CRB2: variants seen among roughly 807,000 people sequenced by gnomAD.
CRB2 encodes the protein crumbs cell polarity complex component 2.
CRB2 carries 85 observed loss-of-function variants against 110.9 expected under a neutral mutation model. The ratio of observed to expected loss-of-function variants is 0.77; its 90% confidence interval spans 0.64 to 0.92. CRB2 has a LOEUF of 0.92. CRB2 is among the 40% of genes least tolerant of loss of function. The pLI is 0.00. For synonymous variants in CRB2, 907 were observed against 831.0 expected, an observed-to-expected ratio of 1.09 and a Z score of -1.57; for missense variants, 1,843 against 1,851.3, an observed-to-expected ratio of 1.00 and a Z score of 0.08.
chr9:123,371,818 G>A (rs1464823617), intron 8 of CRB2, among the ~76,000 whole-genome samples: 1 of 152,094 alleles, frequency 6.6e-6, no homozygotes, highest in African/African-American at 2.4e-5. Flanking sequence ...GTCCTGGTGT[G>A]AGAGAGACAC....
intron 1 of CRB2, among the ~76,000 whole-genome samples, chr9:123,362,521 A>C (rs1209234984): frequency 1.3e-5 from 2 of 152,170 alleles, no homozygotes; most frequent in Non-Finnish European, 2.9e-5. Context: ...TGTCTGGTGC[A>C]ATGGGCATGA....
rs991888907 is a variant in CRB2, at chr9:123,363,135, C to A, written c.365C>A (p.Thr122Asn). The A allele has an allele frequency of 6.8e-6, 11 of 1,610,860 alleles. No individual in the cohort carries two copies. Among genetic ancestry groups the A allele is most frequent in the Non-Finnish European group, 9.3e-6 (11 of 1,179,370 alleles). Residue 122 changes from threonine to asparagine, a missense_variant, in exon 2 of 13, where the codon ACC becomes AAC. Thr to Asn is a moderately conservative substitution (Grantham distance 65). Coordinates refer to ENST00000373631, the MANE Select transcript of CRB2 (RefSeq NM_173689.7). ...CASRPCHHGATCRNLADRYEC... is the reference protein window; with the variant it reads ...CASRPCHHGANCRNLADRYEC... ...TCCCGGCCGTGCCACCATGGGGCCA[C>A]CTGCCGCAACCTGGCCGATCGCTAC...
Position 123,356,270 on chromosome 9 carries a change from G to C in CRB2, c.10G>C (p.Ala4Pro). 1 of 1,528,356 alleles carries C rather than the reference G, an allele frequency of 6.5e-7. No individual in the cohort carries two copies. Among genetic ancestry groups the C allele is most frequent in the South Asian group, 1.2e-5 (1 of 82,532 alleles). The allele number at this position is 1,528,356 out of a possible 1,614,324, so 94.7% of individuals were successfully genotyped here. A position where few individuals can be genotyped will look rare whatever the true frequency, so the allele number is the denominator to read the frequency against. ...CGCAGAGCGGGCTGCCATGGCGCTG[G>C]CCAGGCCTGGGACCCCGGACCCCCA... is the stretch of plus-strand genomic sequence containing the variant. MAL[A>P]RPGTPDPQAL... is the part of the protein sequence containing the mutation. Residue 4 changes from alanine to proline, a missense_variant, in exon 1 of 13, where the codon GCC becomes CCC. Ala to Pro is a conservative substitution (Grantham distance 27, BLOSUM62 -1). Transcript: ENST00000373631.
Position 123,374,806 on chromosome 9 carries a change from T to A in CRB2, c.3506+111T>A, listed in dbSNP as rs2797949. 64,727 of 686,792 alleles carry A rather than the reference T, an allele frequency of 0.094. 3,374 individuals are homozygous for A. Among genetic ancestry groups the A allele is most frequent in the African/African-American group, 0.16 (9,009 of 56,054 alleles). 42.5% of individuals were successfully genotyped at this position (686,792 alleles called of 1,614,324 possible). On this transcript the variant is annotated intron_variant, in intron 11 of 12. Coordinates refer to ENST00000373631, the MANE Select transcript of CRB2 (RefSeq NM_173689.7). ...CCCACCTTCTCACCCCTCCCTGGTA[T>A]CACAGTCACCATTGTCACTTGAGTT... is the stretch of plus-strand genomic sequence containing the variant.
upstream of CRB2, among the ~76,000 whole-genome samples, chr9:123,354,316 C>T (rs1170656039): frequency 1.3e-5 from 2 of 152,384 alleles, no homozygotes; most frequent in East Asian, 1.9e-4. Flanking sequence ...GTGACCTCCC[C>T]GCTCTGTGAA....
At chr9:123,361,868 A>G (rs2041872527) in intron 1 of CRB2, among the ~76,000 whole-genome samples, 1 of 152,202 alleles carries the variant, frequency 6.6e-6, no homozygotes, top group South Asian at 2.1e-4. Context: ...TCAAAGCTCA[A>G]GTTCTCACCT....
At chr9:123,375,095 CATGGGGACAGTGG>C in intron 11 of CRB2, 109 bp from the exon 12 acceptor site, 1 of 1,438,194 alleles carries the variant, frequency 7.0e-7, no homozygotes, top group Non-Finnish European at 9.5e-7. Flanking sequence ...AGGAGCAGCG[CATGGGGACAGTGG>C]ATGGATAAGC....
At chr9:123,369,048 C>T (rs547601140) in intron 6 of CRB2, 21 of 861,498 alleles carry the variant, frequency 2.4e-5, no homozygotes, top group Non-Finnish European at 3.1e-5. Context: ...GGCTTCAAAC[C>T]CTGGTGACTT....
In CRB2 at chr9:123,367,166, C is replaced by T; in HGVS notation, c.755-6C>T. On this transcript the variant is annotated splice_region_variant and splice_polypyrimidine_tract_variant and intron_variant, in intron 4 of 12. Coordinates refer to ENST00000373631, the MANE Select transcript of CRB2 (RefSeq NM_173689.7). ...AGACCTGATGTCCGCGTGTGTGTGCCCCCAGGCTACAGCGGCGAGCTGTGC... is the reference window on the plus strand; with the variant it reads ...AGACCTGATGTCCGCGTGTGTGTGCTCCCAGGCTACAGCGGCGAGCTGTGC... 1 of 1,578,624 alleles carries T rather than the reference C, an allele frequency of 6.3e-7. No individual in the cohort carries two copies. Among genetic ancestry groups the T allele is most frequent in the South Asian group, 1.1e-5 (1 of 87,458 alleles).
Position 123,365,944 on chromosome 9 carries a change from A to C in CRB2, c.446A>C (p.Glu149Ala). 2 of 1,596,508 alleles carry C rather than the reference A, an allele frequency of 1.3e-6. No homozygotes were observed. The highest frequency in any genetic ancestry group is 1.7e-6 in the Non-Finnish European group (2 of 1,178,654). ...GTGACCTGCGAGATGGAGGTGGACGAGTGCGCCTCAGCGCCCTGCCTGCAC... is the reference window on the plus strand; with the variant it reads ...GTGACCTGCGAGATGGAGGTGGACGCGTGCGCCTCAGCGCCCTGCCTGCAC... The part of the protein sequence containing the change: ...AGVTCEMEVD[E>A]CASAPCLHGG... The change falls in exon 3 of 13, where the codon GAG becomes GCG. Residue 149 changes from glutamate (E) to alanine (A), a missense_variant. Glu to Ala is a moderately radical substitution (Grantham distance 107). Coordinates refer to ENST00000373631, the MANE Select transcript of CRB2 (RefSeq NM_173689.7).
intron 6 of CRB2, 73 bp from the exon 7 acceptor site, chr9:123,370,035 C>T (rs2041990355): frequency 2.0e-6 from 3 of 1,486,078 alleles, no homozygotes; most frequent in African/African-American, 1.4e-5. Flanking sequence ...TCATAAGAGG[C>T]ATGTAAGTTC....
intron 8 of CRB2, among the ~76,000 whole-genome samples, chr9:123,371,807 A>T (rs1224614827): frequency 6.6e-6 from 1 of 152,142 alleles, no homozygotes; most frequent in Non-Finnish European, 1.5e-5. Flanking sequence ...TCCCCGAGCT[A>T]GTCCTGGTGT....
In CRB2 at chr9:123,370,447, T is replaced by C; in HGVS notation, c.1394T>C (p.Phe465Ser). Residue 465 changes from phenylalanine (F) to serine (S), a missense_variant, in exon 7 of 13, where the codon TTT (phenylalanine) becomes TCT (serine). Transcript: ENST00000373631. Reference protein sequence around the residue: ...AGGPLGLALRFRTTLPAGTLA... With the variant: ...AGGPLGLALRSRTTLPAGTLA... Reference sequence around the variant, plus strand: ...GGCCCCCTGGGTCTGGCACTGAGGTTTCGCACCACACTGCCCGCTGGGACC... The same window carrying C: ...GGCCCCCTGGGTCTGGCACTGAGGTCTCGCACCACACTGCCCGCTGGGACC... The C allele has an allele frequency of 6.2e-7, 1 of 1,613,406 alleles. No individual in the cohort carries two copies. The highest frequency in any genetic ancestry group is 8.5e-7 in the Non-Finnish European group (1 of 1,179,996).
chr9:123,359,436 G>GTTTTTTTTTTTTTTTTTTTTTTTTT (rs1319039345), intron 1 of CRB2, among the ~76,000 whole-genome samples: 1 of 62,420 alleles, frequency 1.6e-5, no homozygotes, highest in African/African-American at 6.5e-5. Context: ...TTTCGTTTTT[G>GTTTTTTTTTTTTTTTTTTTTTTTTT]TTTTGTTTTT....
Position 123,367,330 on chromosome 9 carries a change from C to G in CRB2, c.913C>G (p.Leu305Val). ...AFSFRHAAGF[L>V]CHCPPGFEGA... ...CAGCTTCCGCCATGCTGCGGGTTTC[C>G]TGTGCCACTGCCCTCCTGGCTTTGA... The change falls in exon 5 of 13, where the codon CTG becomes GTG. Residue 305 changes from leucine to valine, a missense_variant. Physicochemically the swap from Leu to Val is conservative, Grantham distance 32. Transcript: ENST00000373631. The G allele has an allele frequency of 6.2e-7, 1 of 1,603,942 alleles. No homozygotes were observed. The highest frequency in any genetic ancestry group is 8.5e-7 in the Non-Finnish European group (1 of 1,179,624).
At chr9:123,379,254 C>G (rs1360991390), downstream of CRB2, among the ~76,000 whole-genome samples, 1 of 152,144 alleles carries the variant, frequency 6.6e-6, no homozygotes, top group Non-Finnish European at 1.5e-5. Context: ...TTCCCCCGCC[C>G]GCCTCCCCGC....
intron 5 of CRB2, 81 bp downstream of exon 5, chr9:123,367,438 A>ACCCCCCCCCCCCCCCCCC: frequency 1.3e-6 from 1 of 747,524 alleles, no homozygotes; most frequent in South Asian, 2.3e-5. Flanking sequence ...CACCCCCCCC[A>ACCCCCCCCCCCCCCCCCC]CCCCCCCACC....
At position 123,375,228 on chromosome 9, in the gene CRB2, C is replaced by A. The variant is rs771596525; in HGVS notation, c.3518C>A (p.Pro1173His). The A allele has an allele frequency of 6.2e-7, 1 of 1,612,594 alleles. No individual in the cohort carries two copies. Among genetic ancestry groups the A allele is most frequent in the South Asian group, 1.1e-5 (1 of 90,868 alleles). The change falls in exon 12 of 13, where the codon CCC (proline) becomes CAC (histidine). Residue 1173 changes from proline (P) to histidine (H), a missense_variant. Coordinates refer to ENST00000373631, the MANE Select transcript of CRB2 (RefSeq NM_173689.7). The part of the protein sequence containing the change: ...EGLAGQRCQV[P>H]TLPCEANPCL... The stretch of plus-strand genomic sequence containing the variant: ...CCCTCCCTCTCCAGGTGTCAGGTCC[C>A]CACTCTCCCCTGTGAAGCCAACCCC...
At chr9:123,371,615 G>T in intron 8 of CRB2, 37 bp downstream of exon 8, 1 of 1,606,722 alleles carries the variant, frequency 6.2e-7, no homozygotes, top group African/African-American at 1.3e-5. Context: ...GTGGGGTGGG[G>T]AGTCCTTTTC....
Sources: gnomAD v4.1 joint callset for allele counts (sites outside exome capture counted in the v4.1 genomes callset) on GRCh38, gnomAD v4.1.1 for gene constraint, MANE v1.5 for transcripts, NCBI Gene and HGNC (gene_info 2026-07-23, HGNC 2026-07-21) for gene names.